Variants in JMJD1C observed in about 807,000 individuals in gnomAD.
JMJD1C encodes jumonji domain containing 1C, also known as jumonji domain-containing protein 1C.
A neutral mutation model predicts 245.3 loss-of-function variants in JMJD1C; 31 were observed. The ratio of observed to expected loss-of-function variants is 0.13; its 90% confidence interval spans 0.09 to 0.17. JMJD1C has a LOEUF of 0.17. Ranked by LOEUF, JMJD1C falls within the 10% of genes least tolerant of loss-of-function variation. JMJD1C has a pLI of 1.00. For synonymous variants in JMJD1C, 1,057 were observed against 1,017.4 expected (o/e 1.04, Z -0.74); for missense variants, 2,691 against 3,000.2 (o/e 0.90, Z 2.41).
intron 3 of JMJD1C, among the ~76,000 whole-genome samples, chr10:63,230,572 T>C (rs560239523): frequency 6.6e-6 from 1 of 152,176 alleles, no homozygotes; most frequent in South Asian, 2.1e-4. Flanking sequence ...GAGCTTTAAG[T>C]TGCATTCACA....
At chr10:63,290,206 A>C (rs1317130644) in intron 2 of JMJD1C, among the ~76,000 whole-genome samples, 1 of 152,218 alleles carries the variant, frequency 6.6e-6, no homozygotes, top group Non-Finnish European at 1.5e-5. Flanking sequence ...AAGGTCTAAA[A>C]GGCATATATT....
rs1416115882 is a variant in JMJD1C, at chr10:63,320,893, A to T, written c.334-56129T>A. Among the ~76,000 whole-genome samples, 3 of 152,256 alleles carry T rather than the reference A, an allele frequency of 2.0e-5. No individual in the cohort carries two copies. In the East Asian group the frequency reaches 5.8e-4, roughly 29 times the overall value. On this transcript the variant is annotated intron_variant, in intron 2 of 25. Transcript: ENST00000399262. ...CAGGATGGTGCTTGTTACCAAGGGA[A>T]CCAACCATGTGTTTAGAGAGTTGGA...
chr10:63,351,947 C>G (rs1401443196), intron 2 of JMJD1C, among the ~76,000 whole-genome samples: 4 of 152,190 alleles, frequency 2.6e-5, no homozygotes, highest in African/African-American at 9.6e-5. Flanking sequence ...ACAGCAGACA[C>G]AACAGCAAAT....
intron 2 of JMJD1C, among the ~76,000 whole-genome samples, chr10:63,359,281 C>A (rs1945125729): frequency 6.6e-6 from 1 of 152,246 alleles, no homozygotes; most frequent in Admixed American, 6.5e-5. Flanking sequence ...AACTATTTAA[C>A]ATTTTTCTAA....
chr10:63,435,367 G>A (rs893857109), intron 1 of JMJD1C, among the ~76,000 whole-genome samples: 2 of 152,084 alleles, frequency 1.3e-5, no homozygotes, highest in Non-Finnish European at 2.9e-5. Context: ...ATTGAAAAGT[G>A]GGAGGGAATG....
At chr10:63,234,048 C>G (rs1312190254) in intron 3 of JMJD1C, among the ~76,000 whole-genome samples, 1 of 151,950 alleles carries the variant, frequency 6.6e-6, no homozygotes. Context: ...TAAGCATACT[C>G]CATAGAAACC....
At chr10:63,459,504 T>C (rs1952638106) in intron 1 of JMJD1C, among the ~76,000 whole-genome samples, 1 of 152,228 alleles carries the variant, frequency 6.6e-6, no homozygotes, top group African/African-American at 2.4e-5. Flanking sequence ...CTCAATGCTA[T>C]TTCTTATTTG....
In JMJD1C at chr10:63,266,759, T is replaced by C. The variant is rs573900688; in HGVS notation, c.334-1995A>G. 3.3e-5 allele frequency among the ~76,000 whole-genome samples: 5 copies of C among 152,246 alleles called. No individual in the cohort carries two copies. The South Asian group carries it at 6.2e-4, about 19-fold the overall frequency. On this transcript the variant is annotated intron_variant, in intron 2 of 25. Transcript: ENST00000399262. Reference sequence around the variant, plus strand: ...TGGCTAAAGATACAATTCAATTAAGTAGGATTTGAAAAAGAAGTAAAGTTC... The same window carrying C: ...TGGCTAAAGATACAATTCAATTAAGCAGGATTTGAAAAAGAAGTAAAGTTC...
At chr10:63,446,746 C>T (rs1432128867) in intron 1 of JMJD1C, among the ~76,000 whole-genome samples, 1 of 152,110 alleles carries the variant, frequency 6.6e-6, no homozygotes, top group East Asian at 1.9e-4. Flanking sequence ...GAAAATGATG[C>T]TTGATTTTAA....
intron 1 of JMJD1C, among the ~76,000 whole-genome samples, chr10:63,406,239 AG>A (rs1949162870): frequency 6.6e-6 from 1 of 152,206 alleles, no homozygotes. Context: ...AAGAAGACAG[AG>A]AATATCTAGT....
chr10:63,395,514 A>G (rs1361162826), intron 1 of JMJD1C, among the ~76,000 whole-genome samples: 2 of 152,154 alleles, frequency 1.3e-5, no homozygotes, highest in East Asian at 3.8e-4. Flanking sequence ...AAACTGCCCA[A>G]AAGAATGGGA....
In JMJD1C at chr10:63,244,817, AG is replaced by A. The variant is rs370952932; in HGVS notation, c.447+19833del. Reference sequence around the variant, plus strand: ...GCAACACTCCTTCTCTTAAAAAAAAAGGGGGGGGGAGGGGGGAGAACAATTA... The same window carrying A: ...GCAACACTCCTTCTCTTAAAAAAAAAGGGGGGGGAGGGGGGAGAACAATTA... On this transcript the variant is annotated intron_variant, in intron 3 of 25. Transcript: ENST00000399262. Among the ~76,000 whole-genome samples, 481 of 52,970 alleles carry A rather than the reference AG, an allele frequency of 9.1e-3. 4 individuals carry two copies. The highest frequency in any genetic ancestry group is 0.026 in the African/African-American group (372 of 14,078). The allele number at this position is 52,970 out of a possible 152,430, so 34.8% of individuals were successfully genotyped here. A position where few individuals can be genotyped will look rare whatever the true frequency, so the allele number is the denominator to read the frequency against.
intron 1 of JMJD1C, among the ~76,000 whole-genome samples, chr10:63,384,919 C>T (rs1338283242): frequency 6.6e-6 from 1 of 152,192 alleles, no homozygotes; most frequent in Non-Finnish European, 1.5e-5. Flanking sequence ...GTGCTACAGG[C>T]CTAGCTTTGT....
intron 18 of JMJD1C, among the ~76,000 whole-genome samples, chr10:63,187,244 A>C (rs558115399): frequency 7.9e-5 from 12 of 152,340 alleles, no homozygotes; most frequent in African/African-American, 2.6e-4. Flanking sequence ...CGACTTTAAA[A>C]ATAGGTCCAG....
chr10:63,365,500 G>A (rs1178656956), intron 2 of JMJD1C, among the ~76,000 whole-genome samples: 1 of 152,158 alleles, frequency 6.6e-6, no homozygotes, highest in Non-Finnish European at 1.5e-5. Context: ...GCCAGGTGCA[G>A]TGGCTCAAGC....
intron 21 of JMJD1C, 82 bp downstream of exon 21, chr10:63,184,526 G>C (rs570337138): frequency 8.0e-6 from 10 of 1,254,670 alleles, no homozygotes; most frequent in African/African-American, 3.1e-5. Context: ...TTGCAGGCGT[G>C]AGCCACTATG....
intron 1 of JMJD1C, among the ~76,000 whole-genome samples, chr10:63,490,671 C>T (rs945106879): frequency 6.6e-6 from 1 of 152,150 alleles, no homozygotes; most frequent in Non-Finnish European, 1.5e-5. Flanking sequence ...ACCTCGGCTT[C>T]CCAAAGTGCT....
chr10:63,332,969 C>T (rs554152084), intron 2 of JMJD1C, among the ~76,000 whole-genome samples: 3 of 152,188 alleles, frequency 2.0e-5, no homozygotes, highest in South Asian at 4.2e-4. Flanking sequence ...TGAATAACAA[C>T]CCATTTCTCA....
At chr10:63,219,786 T>C (rs540721889) in intron 4 of JMJD1C, 92 bp downstream of exon 4, 64 of 766,748 alleles carry the variant, frequency 8.3e-5, no homozygotes, top group Non-Finnish European at 1.3e-4. Flanking sequence ...CTGGGCCTTC[T>C]ATTTATATTG....
Sources: gnomAD v4.1 joint callset for allele counts (sites outside exome capture counted in the v4.1 genomes callset) on GRCh38, gnomAD v4.1.1 for gene constraint, MANE v1.5 for transcripts, NCBI Gene and HGNC (gene_info 2026-07-23, HGNC 2026-07-21) for gene names.